PCCA: variants seen among roughly 807,000 people sequenced by gnomAD.
PCCA encodes propionyl-CoA carboxylase alpha chain, mitochondrial.
Under a neutral mutation model 101.3 loss-of-function variants are expected in PCCA, and 74 were observed. That is an observed-to-expected ratio of 0.73 (90% CI 0.61 to 0.89). PCCA has a LOEUF of 0.89. PCCA is among the 40% of genes least tolerant of loss of function. The probability of loss-of-function intolerance (pLI) is 0.00; values close to 1 mark genes in which losing one functional copy is unlikely to be tolerated. For synonymous variants in PCCA, 294 were observed against 313.6 expected, an observed-to-expected ratio of 0.94 and a Z score of 0.66; for missense variants, 891 against 907.0, an observed-to-expected ratio of 0.98 and a Z score of 0.23.
intron 18 of PCCA, among the ~76,000 whole-genome samples, chr13:100,341,092 T>C (rs1013077025): frequency 6.6e-6 from 1 of 152,206 alleles, no homozygotes; most frequent in African/African-American, 2.4e-5. Flanking sequence ...TCAGTGTAGT[T>C]GGTACTCTTC....
At chr13:100,336,625 A>T (rs1258637381) in intron 17 of PCCA, among the ~76,000 whole-genome samples, 2 of 152,198 alleles carry the variant, frequency 1.3e-5, no homozygotes, top group Admixed American at 1.3e-4. Context: ...TTCTTCTTTC[A>T]GTCACAAATA....
intron 4 of PCCA, among the ~76,000 whole-genome samples, chr13:100,138,954 A>AAAG (rs2051523414): frequency 7.5e-6 from 1 of 133,986 alleles, no homozygotes; most frequent in Admixed American, 8.2e-5. Flanking sequence ...AAAAAAAAAA[A>AAAG]AAAGAAAGAA....
At chr13:100,215,727 C>T (rs1427622956) in intron 7 of PCCA, among the ~76,000 whole-genome samples, 1 of 151,886 alleles carries the variant, frequency 6.6e-6, no homozygotes, top group Admixed American at 6.6e-5. Context: ...AACCTCCGTC[C>T]ACCCTGGGTT....
intron 21 of PCCA, among the ~76,000 whole-genome samples, chr13:100,474,327 G>C (rs2083250579): frequency 6.6e-6 from 1 of 152,116 alleles, no homozygotes; most frequent in Admixed American, 6.5e-5. Flanking sequence ...ATGGTATAGT[G>C]AACGTCCTGC....
At chr13:100,379,302 A>G (rs1438471388) in intron 19 of PCCA, among the ~76,000 whole-genome samples, 1 of 151,636 alleles carries the variant, frequency 6.6e-6, no homozygotes, top group Non-Finnish European at 1.5e-5. Context: ...CACATGGGCC[A>G]CTCTTTGGGC....
intron 19 of PCCA, among the ~76,000 whole-genome samples, chr13:100,411,248 C>T (rs1292330834): frequency 7.1e-6 from 1 of 141,646 alleles, no homozygotes; most frequent in African/African-American, 2.7e-5. Context: ...TTTTTTGAGA[C>T]ATGGTCTTGC....
At chr13:100,256,957 G>C (rs1455516954) in intron 8 of PCCA, among the ~76,000 whole-genome samples, 1 of 151,940 alleles carries the variant, frequency 6.6e-6, no homozygotes, top group African/African-American at 2.4e-5. Context: ...CTGGAAGTGT[G>C]CTTTGTTTTG....
intron 4 of PCCA, among the ~76,000 whole-genome samples, chr13:100,120,503 C>T (rs1454971365): frequency 6.6e-6 from 1 of 152,108 alleles, no homozygotes; most frequent in Non-Finnish European, 1.5e-5. Context: ...ATATGACATC[C>T]TATTCTTTGT....
At position 100,111,793 on chromosome 13, in the gene PCCA, C is replaced by T. The variant is rs142152885; in HGVS notation, c.184-48C>T. ...TTGGTGTTTTTTGGTCTTAAACCAT[C>T]GGTTTAAAAGTAACAATTTCTAATG... is the stretch of plus-strand genomic sequence containing the variant. On this transcript the variant is annotated intron_variant, in intron 2 of 23. Transcript: ENST00000376285. 4.1e-5 allele frequency: 55 copies of T among 1,348,404 alleles called. 1 individual carries two copies. The highest frequency in any genetic ancestry group is 3.9e-4 in the East Asian group (17 of 43,370). 83.5% of individuals were successfully genotyped at this position (1,348,404 alleles called of 1,614,324 possible). A position where few individuals can be genotyped will look rare whatever the true frequency, so the allele number is the denominator to read the frequency against.
intron 4 of PCCA, among the ~76,000 whole-genome samples, chr13:100,138,748 G>A (rs1208129428): frequency 2.0e-5 from 3 of 151,876 alleles, no homozygotes; most frequent in South Asian, 4.2e-4. Context: ...GCCTGGCCAA[G>A]ATGGTGAAAC....
chr13:100,508,455 G>A (rs2086243868), intron 21 of PCCA, among the ~76,000 whole-genome samples: 1 of 152,210 alleles, frequency 6.6e-6, no homozygotes, highest in South Asian at 2.1e-4. Context: ...ACAAAACCTT[G>A]AGTACAGATT....
At chr13:100,307,930 C>T (rs578075216) in intron 15 of PCCA, among the ~76,000 whole-genome samples, 123 of 152,312 alleles carry the variant, frequency 8.1e-4, no homozygotes, top group African/African-American at 2.9e-3. Flanking sequence ...ACGATCTTGG[C>T]TCACTGCAAC....
At chr13:100,489,355 G>T (rs1370385202) in intron 21 of PCCA, among the ~76,000 whole-genome samples, 2 of 152,174 alleles carry the variant, frequency 1.3e-5, no homozygotes, top group African/African-American at 4.8e-5. Context: ...ATTCCTGTAT[G>T]TACTGTCAGT....
rs907856417 is a variant in PCCA, at chr13:100,518,211, T to G, written c.2040+2644T>G. On this transcript the variant is annotated intron_variant, in intron 22 of 23. Coordinates refer to ENST00000376285, the MANE Select transcript of PCCA (RefSeq NM_000282.4). ...TTCCAGTAATCTATCATGTTTCTGT[T>G]TAGCTTAGCTGAAGTAAAACTTGAC... 6.6e-5 allele frequency among the ~76,000 whole-genome samples: 10 copies of G among 152,364 alleles called. No homozygotes were observed. In the South Asian group the frequency reaches 2.1e-3, roughly 32 times the overall value.
chr13:100,409,158 A>G (rs1487903061), intron 19 of PCCA, among the ~76,000 whole-genome samples: 2 of 152,072 alleles, frequency 1.3e-5, no homozygotes, highest in African/African-American at 2.4e-5. Context: ...GGGCTATGGA[A>G]AGGTCGGGTT....
At chr13:100,421,885 A>T (rs1263007794) in intron 19 of PCCA, among the ~76,000 whole-genome samples, 1 of 151,986 alleles carries the variant, frequency 6.6e-6, no homozygotes, top group Non-Finnish European at 1.5e-5. Context: ...AGGTTTCACC[A>T]TGTTGGTCAG....
At chr13:100,193,034 G>A (rs1169376529) in intron 6 of PCCA, among the ~76,000 whole-genome samples, 1 of 152,150 alleles carries the variant, frequency 6.6e-6, no homozygotes, top group Non-Finnish European at 1.5e-5. Context: ...AATCAGATAG[G>A]ACACCGAGTA....
rs149337799 is a variant in PCCA, at chr13:100,233,101, G to C, written c.601-2741G>C. ...AATGAATTTCTTTGTATGTCTCTCT[G>C]TGTTCACTCATGTGGGTATATCTGT... On this transcript the variant is annotated intron_variant, in intron 7 of 23. Coordinates refer to ENST00000376285, the MANE Select transcript of PCCA (RefSeq NM_000282.4). Among the ~76,000 whole-genome samples the C allele has an allele frequency of 1.8e-3, 277 of 152,242 alleles. 2 individuals carry two copies. Among genetic ancestry groups the C allele is most frequent in the African/African-American group, 6.3e-3 (262 of 41,550 alleles).
At chr13:100,313,285 G>C (rs1344905844) in intron 16 of PCCA, among the ~76,000 whole-genome samples, 3 of 152,160 alleles carry the variant, frequency 2.0e-5, no homozygotes, top group Admixed American at 6.6e-5. Flanking sequence ...TTTCTTGCCT[G>C]CTGCACAGAT....
Sources: allele counts gnomAD v4.1 joint callset (sites outside exome capture counted in the v4.1 genomes callset), GRCh38; gene constraint gnomAD v4.1.1; transcripts MANE v1.5; gene names NCBI Gene and HGNC (gene_info 2026-07-23, HGNC 2026-07-21).